The following PLEKHG7 variants were observed in gnomAD, a reference collection of about 807,000 sequenced individuals.
PLEKHG7 encodes the protein pleckstrin homology domain-containing family G member 7.
A neutral mutation model predicts 85.2 loss-of-function variants in PLEKHG7; 77 were observed. The ratio of observed to expected loss-of-function variants is 0.90; its 90% confidence interval spans 0.75 to 1.09. The LOEUF is 1.09. PLEKHG7 is among the 50% of genes least tolerant of loss of function. The pLI, the probability that PLEKHG7 is intolerant of heterozygous loss-of-function variation, is 0.00. For synonymous variants in PLEKHG7, 301 were observed against 302.4 expected, an observed-to-expected ratio of 1.00 and a Z score of 0.05; for missense variants, 777 against 804.3, an observed-to-expected ratio of 0.97 and a Z score of 0.41.
In PLEKHG7 at chr12:92,725,801, C is replaced by T. The variant is rs766150301; in HGVS notation, c.531-3192C>T. Among the ~76,000 whole-genome samples the T allele has an allele frequency of 4.6e-5, 7 of 152,130 alleles. No individual in the cohort carries two copies. The East Asian group carries it at 5.8e-4, about 13-fold the overall frequency. ...AAAAAATTTTGGCAAAGGCTAAAAACGTGAAATAATACTCAAAACCTAAAA... is the reference window on the plus strand; with the variant it reads ...AAAAAATTTTGGCAAAGGCTAAAAATGTGAAATAATACTCAAAACCTAAAA... On this transcript the variant is annotated intron_variant, in intron 3 of 16. Coordinates refer to ENST00000344636, the MANE Select transcript of PLEKHG7 (RefSeq NM_001377329.1).
chr12:92,729,904 A>C lies in PLEKHG7; in HGVS notation c.658+784A>C, dbSNP rs149847735. Among the ~76,000 whole-genome samples the C allele has an allele frequency of 7.0e-3, 1,061 of 152,222 alleles. 17 individuals are homozygous for C. The highest frequency in any genetic ancestry group is 0.024 in the African/African-American group (1,017 of 41,538). The stretch of plus-strand genomic sequence containing the variant: ...CCCCAGGAGTCTCAGACACCCAACA[A>C]AACAGTTTAAAAACCACCAGGGTCA... On this transcript the variant is annotated intron_variant, in intron 4 of 16. Transcript: ENST00000344636.
chr12:92,708,900 G>C (rs1423033353), intron 3 of PLEKHG7, among the ~76,000 whole-genome samples: 1 of 152,210 alleles, frequency 6.6e-6, no homozygotes, highest in African/African-American at 2.4e-5. Flanking sequence ...AAGGAATGGG[G>C]AAGAGTGGGG....
intron 10 of PLEKHG7, among the ~76,000 whole-genome samples, chr12:92,747,632 C>T (rs1040971369): frequency 6.6e-6 from 1 of 152,192 alleles, no homozygotes; most frequent in East Asian, 1.9e-4. Flanking sequence ...GCACTATTTA[C>T]AGTAGCCAAA....
chr12:92,743,942 G>A (rs535457306), intron 9 of PLEKHG7, among the ~76,000 whole-genome samples: 38 of 152,252 alleles, frequency 2.5e-4, no homozygotes, highest in Non-Finnish European at 4.1e-4. Context: ...TCCATGAGAA[G>A]ACCCTCTCTT....
intron 12 of PLEKHG7, 68 bp downstream of exon 12, chr12:92,756,008 A>G: frequency 2.0e-6 from 2 of 1,013,320 alleles, no homozygotes; most frequent in Non-Finnish European, 3.0e-6. Flanking sequence ...TAGAAATACA[A>G]TCATCTTAGA....
At chr12:92,720,323 C>CTTTTTT (rs36081838) in intron 3 of PLEKHG7, among the ~76,000 whole-genome samples, 4 of 146,852 alleles carry the variant, frequency 2.7e-5, no homozygotes, top group Non-Finnish European at 6.0e-5. Context: ...CTCTTAGTGT[C>CTTTTTT]TTTTTTTTTT....
chr12:92,742,676 C>G (rs775077357), intron 9 of PLEKHG7, among the ~76,000 whole-genome samples: 1 of 151,000 alleles, frequency 6.6e-6, no homozygotes, highest in African/African-American at 2.4e-5. Flanking sequence ...ACCTCCACCT[C>G]CCAGGTTCAA....
chr12:92,745,902 T>C (rs1872523398), intron 10 of PLEKHG7, among the ~76,000 whole-genome samples: 1 of 152,230 alleles, frequency 6.6e-6, no homozygotes, highest in Non-Finnish European at 1.5e-5. Flanking sequence ...GAGAAAACTA[T>C]ATAGTAAGAA....
chr12:92,727,457 A>G (rs1045089011), intron 3 of PLEKHG7, among the ~76,000 whole-genome samples: 4 of 151,872 alleles, frequency 2.6e-5, no homozygotes, highest in Admixed American at 2.0e-4. Flanking sequence ...TTCCATCTTT[A>G]TGTCTATGGG....
chr12:92,721,096 A>G (rs1871627370), intron 3 of PLEKHG7, among the ~76,000 whole-genome samples: 1 of 152,248 alleles, frequency 6.6e-6, no homozygotes, highest in Admixed American at 6.5e-5. Flanking sequence ...GTGAAAATCA[A>G]TATGATAATG....
At chr12:92,762,761 A>G (rs764075236) in intron 14 of PLEKHG7, among the ~76,000 whole-genome samples, 3 of 152,330 alleles carry the variant, frequency 2.0e-5, no homozygotes, top group Admixed American at 6.5e-5. Flanking sequence ...CTAGCCTTAC[A>G]TAGATAAGAT....
chr12:92,712,597 T>C (rs2136573126), intron 3 of PLEKHG7, among the ~76,000 whole-genome samples: 1 of 152,324 alleles, frequency 6.6e-6, no homozygotes, highest in South Asian at 2.1e-4. Context: ...TTCGAGTCCT[T>C]GATGGTAGCA....
intron 3 of PLEKHG7, among the ~76,000 whole-genome samples, chr12:92,724,168 T>C (rs905097936): frequency 6.6e-6 from 1 of 152,222 alleles, no homozygotes; most frequent in East Asian, 1.9e-4. Flanking sequence ...TAATACCTTC[T>C]GAAGACCATT....
chr12:92,737,723 A>G (rs1305922290), intron 7 of PLEKHG7, among the ~76,000 whole-genome samples: 2 of 45,060 alleles, frequency 4.4e-5, no homozygotes, highest in Non-Finnish European at 9.6e-5. Context: ...GAGGGAGGGA[A>G]GGAAGGAGGG....
At chr12:92,705,624 A>G (rs1188309419) in intron 1 of PLEKHG7, among the ~76,000 whole-genome samples, 1 of 152,262 alleles carries the variant, frequency 6.6e-6, no homozygotes, top group Admixed American at 6.5e-5. Context: ...ATCTGCGGCC[A>G]GGGAAGATGG....
intron 7 of PLEKHG7, among the ~76,000 whole-genome samples, chr12:92,740,568 T>C (rs898688096): frequency 6.6e-6 from 1 of 152,216 alleles, no homozygotes; most frequent in Non-Finnish European, 1.5e-5. Context: ...TCTTTGGCAC[T>C]AGAAGTAGAG....
Position 92,761,844 on chromosome 12 carries a change from T to C in PLEKHG7, c.1716+13T>C. ...GTGCAACAAAAAGGTAAAATGCTGC[T>C]ATTTCAAAGTACGTTTCTAAACAAG... On this transcript the variant is annotated intron_variant, in intron 14 of 16. Transcript: ENST00000344636. The C allele has an allele frequency of 1.3e-6, 2 of 1,558,492 alleles. No homozygotes were observed. The highest frequency in any genetic ancestry group is 1.7e-6 in the Non-Finnish European group (2 of 1,161,094).
intron 14 of PLEKHG7, among the ~76,000 whole-genome samples, chr12:92,762,498 G>C (rs928536968): frequency 2.0e-5 from 3 of 152,136 alleles, no homozygotes; most frequent in African/African-American, 7.2e-5. Flanking sequence ...AGTATTATTT[G>C]TTACTGTTAT....
chr12:92,709,737 A>G (rs375563721), intron 3 of PLEKHG7, among the ~76,000 whole-genome samples: 5 of 152,210 alleles, frequency 3.3e-5, no homozygotes, highest in African/African-American at 9.6e-5. Context: ...AGTCTTGGTA[A>G]ATTTTAAAAG....
Sources: allele counts gnomAD v4.1 joint callset (sites outside exome capture counted in the v4.1 genomes callset), GRCh38; gene constraint gnomAD v4.1.1; transcripts MANE v1.5; gene names NCBI Gene and HGNC (gene_info 2026-07-23, HGNC 2026-07-21).